The following FAM135B variants were observed in gnomAD, a reference collection of about 807,000 sequenced individuals.
The protein encoded by FAM135B is protein FAM135B.
A neutral mutation model predicts 127.7 loss-of-function variants in FAM135B; 43 were observed. The observed-to-expected ratio is 0.34, with a 90% CI of 0.26 to 0.43. The LOEUF (loss-of-function observed/expected upper bound fraction) is 0.43, where lower values mean the gene tolerates loss of function less well. FAM135B is among the 20% of genes least tolerant of loss of function. The pLI is 1.00. For missense variants in FAM135B, 1,558 were observed against 1,725.6 expected, an observed-to-expected ratio of 0.90 and a Z score of 1.72; for synonymous variants, 670 against 665.1, an observed-to-expected ratio of 1.01 and a Z score of -0.11.
At chr8:138,348,741 A>C (rs969941803) in intron 2 of FAM135B, among the ~76,000 whole-genome samples, 5 of 152,258 alleles carry the variant, frequency 3.3e-5, no homozygotes, top group Non-Finnish European at 7.3e-5. Context: ...AGAAACTAAG[A>C]GTGAATCCAA....
intron 3 of FAM135B, among the ~76,000 whole-genome samples, chr8:138,292,933 T>C (rs746333328): frequency 2.0e-5 from 3 of 151,966 alleles, no homozygotes; most frequent in Non-Finnish European, 4.4e-5. Flanking sequence ...AAAAAGAACA[T>C]GAATAGCCCA....
intron 6 of FAM135B, among the ~76,000 whole-genome samples, 166 bp downstream of exon 6, chr8:138,250,675 T>C (rs991130661): frequency 1.1e-4 from 16 of 152,092 alleles, no homozygotes; most frequent in Non-Finnish European, 2.2e-4. Flanking sequence ...TGGGACCTCC[T>C]CCTTCCTCTC....
chr8:138,335,638 C>T (rs751751875), intron 2 of FAM135B, among the ~76,000 whole-genome samples: 19 of 152,298 alleles, frequency 1.2e-4, no homozygotes, highest in Non-Finnish European at 2.6e-4. Flanking sequence ...GAGACTTAGG[C>T]TCCCAAACAA....
At chr8:138,159,345 G>GA (rs1418105739) in intron 12 of FAM135B, among the ~76,000 whole-genome samples, 5 of 149,026 alleles carry the variant, frequency 3.4e-5, no homozygotes, top group African/African-American at 1.2e-4. Context: ...GAAAGACTTG[G>GA]AACCAACCCA....
chr8:138,158,991 G>A (rs1411089171), intron 12 of FAM135B, among the ~76,000 whole-genome samples: 5 of 151,650 alleles, frequency 3.3e-5, no homozygotes, highest in African/African-American at 9.7e-5. Context: ...ACACATGCAC[G>A]GCCGGGCGTG....
intron 7 of FAM135B, among the ~76,000 whole-genome samples, chr8:138,209,300 G>A (rs971775351): frequency 1.3e-5 from 2 of 152,180 alleles, no homozygotes; most frequent in African/African-American, 4.8e-5. Context: ...GATGTAGAGA[G>A]TGTGACATAG....
At chr8:138,255,004 A>T (rs1009241965) in intron 5 of FAM135B, among the ~76,000 whole-genome samples, 2 of 151,320 alleles carry the variant, frequency 1.3e-5, no homozygotes, top group South Asian at 4.2e-4. Flanking sequence ...GAAGGGGAAG[A>T]AGTTCTGAGA....
intron 2 of FAM135B, among the ~76,000 whole-genome samples, chr8:138,323,764 A>G (rs1827613110): frequency 6.6e-6 from 1 of 152,222 alleles, no homozygotes; most frequent in African/African-American, 2.4e-5. Flanking sequence ...AGAAGAGTTG[A>G]CACAGACAGT....
intron 2 of FAM135B, among the ~76,000 whole-genome samples, chr8:138,366,411 G>A (rs576343175): frequency 3.9e-4 from 60 of 152,260 alleles, no homozygotes; most frequent in African/African-American, 1.4e-3. Context: ...CAAGCCCAGG[G>A]CTCCTATCAA....
At chr8:138,163,891 C>G (rs570204187) in intron 12 of FAM135B, among the ~76,000 whole-genome samples, 1 of 152,130 alleles carries the variant, frequency 6.6e-6, no homozygotes, top group Admixed American at 6.5e-5. Flanking sequence ...ACAGGAGGCA[C>G]GGTCACAGCT....
At chr8:138,269,822 G>A (rs1457096277) in intron 3 of FAM135B, among the ~76,000 whole-genome samples, 1 of 152,130 alleles carries the variant, frequency 6.6e-6, no homozygotes. Flanking sequence ...GTTTTTTACT[G>A]AAAAATTATC....
intron 7 of FAM135B, among the ~76,000 whole-genome samples, chr8:138,223,603 T>C (rs2130080124): frequency 6.6e-6 from 1 of 152,322 alleles, no homozygotes; most frequent in Middle Eastern, 3.4e-3. Flanking sequence ...AGATCATGTG[T>C]TCTTAAGGAT....
At chr8:138,397,739 A>C (rs1287761985) in intron 1 of FAM135B, among the ~76,000 whole-genome samples, 1 of 152,162 alleles carries the variant, frequency 6.6e-6, no homozygotes, top group Non-Finnish European at 1.5e-5. Flanking sequence ...CCATGGACAG[A>C]GCTCCAGGAG....
chr8:138,468,442 C>T (rs1401887516), intron 1 of FAM135B, among the ~76,000 whole-genome samples: 3 of 152,158 alleles, frequency 2.0e-5, no homozygotes, highest in African/African-American at 7.2e-5. Context: ...GTCTCCCAAT[C>T]CCAAGACAAT....
chr8:138,291,483 C>T (rs1825107748), intron 3 of FAM135B, among the ~76,000 whole-genome samples: 1 of 151,896 alleles, frequency 6.6e-6, no homozygotes, highest in Non-Finnish European at 1.5e-5. Context: ...AAGATAAGGC[C>T]ATCCAAGAAA....
intron 7 of FAM135B, among the ~76,000 whole-genome samples, chr8:138,205,159 G>A (rs1817457947): frequency 6.6e-6 from 1 of 152,178 alleles, no homozygotes; most frequent in Non-Finnish European, 1.5e-5. Flanking sequence ...GGAATTAAGT[G>A]CTTTATGTGT....
At chr8:138,206,347 C>CCTACACACAAT (rs1817596198) in intron 7 of FAM135B, among the ~76,000 whole-genome samples, 17 of 142,316 alleles carry the variant, frequency 1.2e-4, no homozygotes, top group Admixed American at 2.1e-4. Context: ...CTACCCACAA[C>CCTACACACAAT]TCCAGCATCC....
At chr8:138,343,745 T>C (rs1291972057) in intron 2 of FAM135B, among the ~76,000 whole-genome samples, 1 of 152,180 alleles carries the variant, frequency 6.6e-6, no homozygotes, top group Non-Finnish European at 1.5e-5. Flanking sequence ...TCCCACCTCA[T>C]AATCAGAAAA....
intron 3 of FAM135B, among the ~76,000 whole-genome samples, chr8:138,310,111 T>C (rs1228233305): frequency 6.6e-6 from 1 of 152,130 alleles, no homozygotes; most frequent in East Asian, 1.9e-4. Context: ...CCTCAGGTGA[T>C]CTGCCCACCT....
Sources: allele counts gnomAD v4.1 joint callset (sites outside exome capture counted in the v4.1 genomes callset), GRCh38; gene constraint gnomAD v4.1.1; transcripts MANE v1.5; gene names NCBI Gene and HGNC (gene_info 2026-07-23, HGNC 2026-07-21).